The following CAPN5 variants were observed in gnomAD, a reference collection of about 807,000 sequenced individuals.
CAPN5 encodes the protein calpain-5.
A neutral mutation model predicts 73.0 loss-of-function variants in CAPN5; 54 were observed. The observed-to-expected ratio is 0.74, with a 90% CI of 0.59 to 0.93. CAPN5 has a LOEUF of 0.93. Among genes scored for constraint, CAPN5 ranks in the 40% least tolerant of loss-of-function variants. CAPN5 has a pLI of 0.00. For synonymous variants in CAPN5, 335 were observed against 356.9 expected, an observed-to-expected ratio of 0.94 and a Z score of 0.69; for missense variants, 785 against 882.9, an observed-to-expected ratio of 0.89 and a Z score of 1.41.
In CAPN5 at chr11:77,110,665, C is replaced by G. The variant is rs575903450; in HGVS notation, c.298-1924C>G. 1.9e-3 allele frequency among the ~76,000 whole-genome samples: 297 copies of G among 152,364 alleles called. 2 individuals carry two copies. The highest frequency in any genetic ancestry group is 6.7e-3 in the African/African-American group (280 of 41,596). On this transcript the variant is annotated intron_variant, in intron 3 of 12. Transcript: ENST00000648180. Reference sequence around the variant, plus strand: ...GTGAGCAGCCTGGCCCTGTGCCTGGCACCCAACAGGGCTCCATTAGGGCAG... The same window carrying G: ...GTGAGCAGCCTGGCCCTGTGCCTGGGACCCAACAGGGCTCCATTAGGGCAG...
chr11:77,078,341 T>C (rs1172995251), intron 1 of CAPN5, among the ~76,000 whole-genome samples: 1 of 152,254 alleles, frequency 6.6e-6, no homozygotes, highest in East Asian at 1.9e-4. Context: ...TTGTGTGTCC[T>C]TGGTACTTTT....
In CAPN5 at chr11:77,079,149, C is replaced by CTTATTA. The variant is rs57426663; in HGVS notation, c.-35-5685_-35-5680dup. On this transcript the variant is annotated intron_variant, in intron 1 of 12. Coordinates refer to ENST00000648180, the MANE Select transcript of CAPN5 (RefSeq NM_004055.5). The stretch of plus-strand genomic sequence containing the variant: ...TTTAATGTGCTTTTGAATTATTTGC[C>CTTATTA]TTATTATTATTATTATTATTATTTT... 1.6e-3 allele frequency among the ~76,000 whole-genome samples: 236 copies of CTTATTA among 150,404 alleles called. 1 individual carries two copies. The highest frequency in any genetic ancestry group is 5.1e-3 in the African/African-American group (210 of 40,824).
chr11:77,087,804 C>A, intron 2 of CAPN5: 1 of 1,176,390 alleles, frequency 8.5e-7, no homozygotes, highest in Non-Finnish European at 1.2e-6. Context: ...GGACCTAGAG[C>A]CACCTTGGTT....
chr11:77,118,971 GCCC>G, intron 8 of CAPN5, 56 bp from the exon 9 acceptor site: 1 of 1,559,758 alleles, frequency 6.4e-7, no homozygotes, highest in Non-Finnish European at 8.7e-7. Context: ...GAGCCAGCCA[GCCC>G]ATGCCTGGTG....
At chr11:77,119,295 C>T (rs113282034) in intron 9 of CAPN5, 143 bp downstream of exon 9, 17,905 of 914,192 alleles carry the variant, frequency 0.02, 267 homozygotes, top group South Asian at 0.054. Context: ...GTGAGGATGC[C>T]GTGGCATGGG....
At chr11:77,067,263 G>C (rs1207143445) in intron 1 of CAPN5, among the ~76,000 whole-genome samples, 169 bp downstream of exon 1, 1 of 151,816 alleles carries the variant, frequency 6.6e-6, no homozygotes, top group Non-Finnish European at 1.5e-5. Flanking sequence ...GCGCTGGCTG[G>C]GGGGCGGGGT....
At chr11:77,086,587 C>A (rs1488649103) in intron 2 of CAPN5, among the ~76,000 whole-genome samples, 1 of 152,220 alleles carries the variant, frequency 6.6e-6, no homozygotes, top group Non-Finnish European at 1.5e-5. Flanking sequence ...CTTGGGCCCC[C>A]TCTCCCACGC....
rs538890890 is a variant in CAPN5, at chr11:77,120,848, G to A, written c.1426G>A (p.Glu476Lys). ...GRYVIIPTTF[E>K]PGHTGEFLLR... ...CTATGTCATCATCCCCACAACCTTC[G>A]AGCCAGGCCACACTGGCGAGTTCCT... Residue 476 changes from glutamate (E) to lysine (K), a missense_variant, in exon 10 of 13, where the codon GAG (glutamate) becomes AAG (lysine). Physicochemically the swap from Glu to Lys is moderately conservative, Grantham distance 56 (BLOSUM62 1). Transcript: ENST00000648180. 341 of 1,614,106 alleles carry A rather than the reference G, an allele frequency of 2.1e-4. 5 individuals are homozygous for A. In the South Asian group the frequency reaches 3.1e-3, roughly 15 times the overall value.
intron 1 of CAPN5, among the ~76,000 whole-genome samples, chr11:77,071,980 G>A (rs941375008): frequency 1.2e-4 from 18 of 152,154 alleles, no homozygotes; most frequent in Non-Finnish European, 2.2e-4. Flanking sequence ...CCAAGGCCAC[G>A]CCATACTGGG....
chr11:77,114,457 A>T (rs1950446582), intron 5 of CAPN5, 23 bp downstream of exon 5: 1 of 1,604,128 alleles, frequency 6.2e-7, no homozygotes, highest in Admixed American at 1.7e-5. Flanking sequence ...CAGTCCCCAG[A>T]GGCGACCCCT....
rs572216977 is a variant in CAPN5 at position 77,111,368 on chromosome 11, C to T, written c.298-1221C>T. On this transcript the variant is annotated intron_variant, in intron 3 of 12. Transcript: ENST00000648180. ...CTGGCTTCAAACCAAGGTTGGTCTG[C>T]CTCCAAAGCATGTGTGTATTTTCTA... is the stretch of plus-strand genomic sequence containing the variant. Among the ~76,000 whole-genome samples, 6 of 152,214 alleles carry T rather than the reference C, an allele frequency of 3.9e-5. 1 individual carries two copies. In the East Asian group the frequency reaches 1.2e-3, roughly 29 times the overall value.
intron 1 of CAPN5, among the ~76,000 whole-genome samples, chr11:77,076,657 G>A (rs1430785969): frequency 6.6e-6 from 1 of 152,098 alleles, no homozygotes; most frequent in South Asian, 2.1e-4. Context: ...TTAGTATATT[G>A]CCTTCCTCGT....
intron 1 of CAPN5, among the ~76,000 whole-genome samples, chr11:77,083,894 CT>C (rs1555034970): frequency 1.3e-5 from 2 of 152,220 alleles, no homozygotes; most frequent in African/African-American, 4.8e-5. Context: ...CCTGCCTTGC[CT>C]TGGTTTCCCT....
At chr11:77,080,345 T>C (rs1373374391) in intron 1 of CAPN5, among the ~76,000 whole-genome samples, 1 of 152,194 alleles carries the variant, frequency 6.6e-6, no homozygotes, top group Non-Finnish European at 1.5e-5. Flanking sequence ...TGAGGCCCTC[T>C]TGCTGCTGGG....
Position 77,093,762 on chromosome 11 carries a change from G to A in CAPN5, c.246G>A (p.Trp82Ter). The A allele has an allele frequency of 6.2e-7, 1 of 1,612,368 alleles. No individual in the cohort carries two copies. Among genetic ancestry groups the A allele is most frequent in the Non-Finnish European group, 8.5e-7 (1 of 1,179,984 alleles). The part of the protein sequence containing the change: ...DLHQGQVGNC[W>*]FVAACSSLAS... ...ACCAGGGCCAGGTGGGCAACTGCTG[G>A]TTTGTGGCAGCCTGCTCGTCACTTG... The change falls in exon 3 of 13, where the codon TGG (tryptophan) becomes TGA (stop). Residue 82 changes from tryptophan to a stop codon, truncating the protein, a stop_gained. Coordinates refer to ENST00000648180, the MANE Select transcript of CAPN5 (RefSeq NM_004055.5). LOFTEE classifies it high-confidence loss of function.
intron 1 of CAPN5, 32 bp downstream of exon 1, chr11:77,067,126 C>CTG (rs35903526): frequency 0.037 from 5,516 of 149,832 alleles, 141 homozygotes; most frequent in Non-Finnish European, 0.056. Flanking sequence ...GCGTGTGCTT[C>CTG]TGTGTGTGTG....
chr11:77,118,997 A>G (rs1950495767), intron 8 of CAPN5, 33 bp from the exon 9 acceptor site: 1 of 1,590,392 alleles, frequency 6.3e-7, no homozygotes, highest in Non-Finnish European at 8.6e-7. Context: ...GTCTCATTGC[A>G]GTGTCTCTCT....
intron 3 of CAPN5, among the ~76,000 whole-genome samples, chr11:77,096,146 G>C (rs1272918757): frequency 6.6e-6 from 1 of 152,088 alleles, no homozygotes; most frequent in African/African-American, 2.4e-5. Flanking sequence ...GAAGGGCAGT[G>C]GGGGGGCTGC....
chr11:77,067,192 C>CG (rs1483507926), intron 1 of CAPN5, 98 bp downstream of exon 1: 3 of 149,548 alleles, frequency 2.0e-5, no homozygotes, highest in African/African-American at 7.5e-5. Context: ...GTGATTGCTC[C>CG]GGGACCACGA....
Sources: allele counts gnomAD v4.1 joint callset (sites outside exome capture counted in the v4.1 genomes callset), GRCh38; gene constraint gnomAD v4.1.1; transcripts MANE v1.5; gene names NCBI Gene and HGNC (gene_info 2026-07-23, HGNC 2026-07-21).